Variants in ETV6 observed in about 807,000 individuals in gnomAD.
ETV6 encodes transcription factor ETV6.
In ETV6, 16 loss-of-function variants were observed where a neutral mutation model predicts 51.1. The ratio of observed to expected loss-of-function variants is 0.31; its 90% CI spans 0.21 to 0.48. The LOEUF is 0.48. ETV6 is among the 20% of genes least tolerant of loss of function. The probability of loss-of-function intolerance (pLI) is 0.99; values close to 1 mark genes in which losing one functional copy is unlikely to be tolerated. For synonymous variants in ETV6, 240 were observed against 224.1 expected (o/e 1.07, Z -0.64); for missense variants, 458 against 594.8 (o/e 0.77, Z 2.39).
intron 1 of ETV6, among the ~76,000 whole-genome samples, chr12:11,743,776 G>T (rs1489251696): frequency 2.6e-5 from 4 of 152,180 alleles, no homozygotes; most frequent in Non-Finnish European, 5.9e-5. Context: ...CGCTGGGGTT[G>T]TGAGTCTGAG....
intron 4 of ETV6, 110 bp downstream of exon 4, chr12:11,853,671 T>A: frequency 7.9e-7 from 1 of 1,264,666 alleles, no homozygotes; most frequent in Non-Finnish European, 1.1e-6. Context: ...TTTCATTCAG[T>A]AGACAATTAT....
chr12:11,710,599 A>G (rs561684895), intron 1 of ETV6, among the ~76,000 whole-genome samples: 3 of 151,286 alleles, frequency 2.0e-5, no homozygotes, highest in Admixed American at 1.3e-4. Flanking sequence ...TGAACTGGAA[A>G]TTGCTCTACA....
intron 1 of ETV6, among the ~76,000 whole-genome samples, chr12:11,714,177 C>T (rs928046200): frequency 3.3e-5 from 5 of 152,142 alleles, no homozygotes; most frequent in African/African-American, 9.6e-5. Flanking sequence ...AATGAATTAA[C>T]GTTGGAGATG....
intron 2 of ETV6, among the ~76,000 whole-genome samples, chr12:11,807,291 ATAG>A (rs1945842422): frequency 6.6e-6 from 1 of 152,352 alleles, no homozygotes; most frequent in Non-Finnish European, 1.5e-5. Context: ...TGCACACTAA[ATAG>A]TGGTGGATTT....
At chr12:11,794,475 C>T (rs1945648414) in intron 2 of ETV6, among the ~76,000 whole-genome samples, 1 of 152,212 alleles carries the variant, frequency 6.6e-6, no homozygotes, top group East Asian at 1.9e-4. Context: ...CTTATTCTAA[C>T]TAGACTCAGC....
rs375523984 is a variant in ETV6 at position 11,760,908 on chromosome 12, G to GTGTGTA, written c.163+8330_163+8331insGTGTAT. Among the ~76,000 whole-genome samples the GTGTGTA allele has an allele frequency of 7.3e-5, 11 of 150,334 alleles. No individual in the cohort carries two copies. The East Asian group carries it at 2.0e-3, about 27-fold the overall frequency. On this transcript the variant is annotated intron_variant, in intron 2 of 7. Transcript: ENST00000396373. Reference sequence around the variant, plus strand: ...TGTGTGTGTGTGTGTGTGTGTGTGTGTATATAAAAGTATATGTGTGTGTGT... The same window carrying GTGTGTA: ...TGTGTGTGTGTGTGTGTGTGTGTGTGTGTGTATATATAAAAGTATATGTGTGTGTGT...
intron 2 of ETV6, among the ~76,000 whole-genome samples, chr12:11,833,313 A>G (rs187989101): frequency 4.9e-4 from 74 of 152,344 alleles, no homozygotes; most frequent in African/African-American, 1.7e-3. Flanking sequence ...CTATGATTCA[A>G]TGATATTTAA....
intron 1 of ETV6, among the ~76,000 whole-genome samples, chr12:11,741,781 AC>A (rs1865816479): frequency 6.6e-6 from 1 of 152,318 alleles, no homozygotes; most frequent in Admixed American, 6.5e-5. Context: ...GGTTTCTAAA[AC>A]CTATTGTGAA....
intron 1 of ETV6, among the ~76,000 whole-genome samples, chr12:11,672,577 G>T (rs558972103): frequency 4.0e-4 from 61 of 152,306 alleles, no homozygotes; most frequent in Non-Finnish European, 7.9e-4. Context: ...GTGAGACAAA[G>T]CTTGCGTATA....
chr12:11,837,100 C>G (rs1049992178), intron 2 of ETV6, among the ~76,000 whole-genome samples: 1 of 152,222 alleles, frequency 6.6e-6, no homozygotes, highest in Admixed American at 6.5e-5. Flanking sequence ...CCCTGTGATT[C>G]TAGATACGTG....
At chr12:11,814,514 TCCA>T in intron 2 of ETV6, among the ~76,000 whole-genome samples, 1 of 152,266 alleles carries the variant, frequency 6.6e-6, no homozygotes, top group East Asian at 1.9e-4. Context: ...CCAAACACTC[TCCA>T]CTATTTCTCT....
intron 2 of ETV6, among the ~76,000 whole-genome samples, chr12:11,788,260 G>A (rs16907278): frequency 0.04 from 6,053 of 152,166 alleles, 404 homozygotes; most frequent in African/African-American, 0.14. Flanking sequence ...TATTTTTTTA[G>A]ATCTCGAACT....
At chr12:11,727,717 G>A (rs1052829458) in intron 1 of ETV6, among the ~76,000 whole-genome samples, 1 of 152,238 alleles carries the variant, frequency 6.6e-6, no homozygotes, top group African/African-American at 2.4e-5. Context: ...CAGGGAAGAG[G>A]CCTAAGGGCC....
intron 1 of ETV6, among the ~76,000 whole-genome samples, chr12:11,669,373 T>TCCCTC (rs1864262418): frequency 8.3e-4 from 108 of 129,436 alleles, no homozygotes; most frequent in Middle Eastern, 3.8e-3. Context: ...CTTCCTCCCT[T>TCCCTC]CCTCCCTCCC....
At chr12:11,805,013 C>T (rs1945808694) in intron 2 of ETV6, among the ~76,000 whole-genome samples, 1 of 152,198 alleles carries the variant, frequency 6.6e-6, no homozygotes, top group Non-Finnish European at 1.5e-5. Flanking sequence ...CTTGCTCCCT[C>T]CTGAACTTGG....
At chr12:11,795,996 A>G (rs1945669672) in intron 2 of ETV6, among the ~76,000 whole-genome samples, 1 of 152,206 alleles carries the variant, frequency 6.6e-6, no homozygotes, top group South Asian at 2.1e-4. Context: ...GCCTAGCAAA[A>G]TAACATCATG....
At chr12:11,776,388 T>A (rs1945324812) in intron 2 of ETV6, among the ~76,000 whole-genome samples, 3 of 152,160 alleles carry the variant, frequency 2.0e-5, no homozygotes, top group Non-Finnish European at 1.5e-5. Context: ...CAGTTTTTGT[T>A]TTTTGAACTG....
chr12:11,659,682 C>T (rs1864064074), intron 1 of ETV6, among the ~76,000 whole-genome samples: 1 of 152,178 alleles, frequency 6.6e-6, no homozygotes, highest in South Asian at 2.1e-4. Context: ...AAATGAGCTA[C>T]AGATAGAAGT....
chr12:11,888,592 A>G (rs1947240202), intron 7 of ETV6, among the ~76,000 whole-genome samples: 3 of 152,094 alleles, frequency 2.0e-5, no homozygotes, highest in African/African-American at 7.2e-5. Context: ...TAGTGGAGAC[A>G]GGGTTTCGCC....
Sources: gnomAD v4.1 joint callset for allele counts (sites outside exome capture counted in the v4.1 genomes callset) on GRCh38, gnomAD v4.1.1 for gene constraint, MANE v1.5 for transcripts, NCBI Gene and HGNC (gene_info 2026-07-23, HGNC 2026-07-21) for gene names.